VIRMA: variants seen among roughly 807,000 people sequenced by gnomAD.
VIRMA encodes protein virilizer homolog.
VIRMA carries 65 observed loss-of-function variants against 182.4 expected under a neutral mutation model. That is an observed-to-expected ratio of 0.36 (90% CI 0.29 to 0.44). The LOEUF is 0.44. Ranked by LOEUF, VIRMA falls within the 20% of genes least tolerant of loss-of-function variation. The pLI is 1.00. For missense variants in VIRMA, 1,752 were observed against 2,158.1 expected (o/e 0.81, Z 3.73); for synonymous variants, 709 against 743.1 (o/e 0.95, Z 0.75).
Position 94,506,494 on chromosome 8 carries a change from C to A in VIRMA, c.4097+6G>T. The A allele has an allele frequency of 6.4e-7, 1 of 1,571,538 alleles. No homozygotes were observed. Among genetic ancestry groups the A allele is most frequent in the South Asian group, 1.1e-5 (1 of 88,752 alleles). ...TGAGAGTATATTAAATTAGACAAAT[C>A]ATTACCTTTTTAAATGAAATAATCC... is the stretch of plus-strand genomic sequence containing the variant. On this transcript the variant is annotated splice_donor_region_variant and intron_variant, in intron 16 of 23. Coordinates refer to ENST00000297591, the MANE Select transcript of VIRMA (RefSeq NM_015496.5).
intron 2 of VIRMA, among the ~76,000 whole-genome samples, chr8:94,539,085 T>C (rs1241323096): frequency 6.6e-6 from 1 of 151,300 alleles, no homozygotes; most frequent in African/African-American, 2.4e-5. Flanking sequence ...TTTTTTTTTT[T>C]AAGTAGAGAC....
intron 4 of VIRMA, among the ~76,000 whole-genome samples, chr8:94,535,651 G>A (rs547310241): frequency 1.2e-4 from 18 of 152,086 alleles, no homozygotes; most frequent in Admixed American, 1.3e-4. Flanking sequence ...GGGTGGTGGC[G>A]GCACCCATAA....
chr8:94,504,319 C>T lies in VIRMA; in HGVS notation c.4097+2181G>A, dbSNP rs78874100. Among the ~76,000 whole-genome samples the T allele has an allele frequency of 6.7e-3, 1,024 of 152,148 alleles. 7 individuals are homozygous for T. The highest frequency in any genetic ancestry group is 0.023 in the African/African-American group (952 of 41,512). ...CCCATTACCTCCATAACCAGACATCCTATCATTTTTCTCCTTGCTCACTCT... is the reference window on the plus strand; with the variant it reads ...CCCATTACCTCCATAACCAGACATCTTATCATTTTTCTCCTTGCTCACTCT... On this transcript the variant is annotated intron_variant, in intron 16 of 23. Transcript: ENST00000297591.
intron 19 of VIRMA, among the ~76,000 whole-genome samples, chr8:94,495,169 TA>T (rs915832774): frequency 6.6e-6 from 1 of 151,846 alleles, no homozygotes; most frequent in Admixed American, 6.6e-5. Context: ...CCCAGCTAAT[TA>T]AAAAAAATTT....
chr8:94,535,023 G>C lies in VIRMA; in HGVS notation c.316-16C>G, dbSNP rs368739969. On this transcript the variant is annotated splice_polypyrimidine_tract_variant and intron_variant, in intron 4 of 23. Transcript: ENST00000297591. ...CAGTATTCACCTGATTTTCAGGGAG[G>C]GCAAAAAAAATCTTTCAAAGTCATG... 1.9e-5 allele frequency: 30 copies of C among 1,546,004 alleles called. No homozygotes were observed. In the African/African-American group the frequency reaches 2.8e-4, roughly 15 times the overall value.
intron 1 of VIRMA, among the ~76,000 whole-genome samples, chr8:94,546,054 CAA>C (rs202226902): frequency 5.7e-5 from 7 of 123,388 alleles, no homozygotes; most frequent in African/African-American, 1.0e-4. Flanking sequence ...GAGACTCTGT[CAA>C]AAAAAAAAAA....
At chr8:94,544,179 C>A (rs1056054128) in intron 1 of VIRMA, among the ~76,000 whole-genome samples, 3 of 151,730 alleles carry the variant, frequency 2.0e-5, no homozygotes, top group African/African-American at 7.3e-5. Context: ...TGATGTTTTG[C>A]TTAGACTAAT....
chr8:94,502,576 T>C (rs1451738547), intron 16 of VIRMA, among the ~76,000 whole-genome samples: 1 of 152,128 alleles, frequency 6.6e-6, no homozygotes, highest in East Asian at 1.9e-4. Context: ...TTCCCAGCTC[T>C]ATCCAATGAG....
At chr8:94,552,060 G>A (rs984026459) in intron 1 of VIRMA, among the ~76,000 whole-genome samples, 3 of 152,158 alleles carry the variant, frequency 2.0e-5, no homozygotes, top group Non-Finnish European at 4.4e-5. Context: ...TACACCATAA[G>A]TTTGTTCTGA....
chr8:94,549,619 T>A (rs1031606463), intron 1 of VIRMA, among the ~76,000 whole-genome samples: 5 of 152,220 alleles, frequency 3.3e-5, no homozygotes, highest in African/African-American at 1.2e-4. Context: ...ACTCGAAATT[T>A]GTACATATCC....
At chr8:94,529,415 G>A in intron 6 of VIRMA, 73 bp from the exon 7 acceptor site, 1 of 765,760 alleles carries the variant, frequency 1.3e-6, no homozygotes, top group South Asian at 1.7e-5. Flanking sequence ...ACTGGATATG[G>A]CAACTACTTA....
intron 13 of VIRMA, 26 bp downstream of exon 13, chr8:94,511,159 A>G: frequency 1.3e-6 from 2 of 1,596,054 alleles, no homozygotes; most frequent in South Asian, 1.2e-5. Flanking sequence ...GTCATTTATA[A>G]GATGCATGTT....
chr8:94,507,929 G>GTGTACATATGTATA (rs1563461563), intron 15 of VIRMA, among the ~76,000 whole-genome samples: 2 of 147,808 alleles, frequency 1.4e-5, no homozygotes, highest in Admixed American at 6.8e-5. Context: ...ATATATGTAT[G>GTGTACATATGTATA]TACATATGTG....
chr8:94,519,901 G>A lies in VIRMA; in HGVS notation c.2022-425C>T, dbSNP rs1019912268. Among the ~76,000 whole-genome samples, 8 of 151,996 alleles carry A rather than the reference G, an allele frequency of 5.3e-5. No individual in the cohort carries two copies. The East Asian group carries it at 5.8e-4, about 11-fold the overall frequency. On this transcript the variant is annotated intron_variant, in intron 8 of 23. Coordinates refer to ENST00000297591, the MANE Select transcript of VIRMA (RefSeq NM_015496.5). The stretch of plus-strand genomic sequence containing the variant: ...TTGTGGATTAAGCCAACTGCAAATC[G>A]AAAATATTTTTTAAAAGTGCATCTG...
chr8:94,534,468 C>T (rs1016871015), intron 5 of VIRMA: 1 of 221,984 alleles, frequency 4.5e-6, no homozygotes, highest in Non-Finnish European at 8.8e-6. Flanking sequence ...AACTCTTAGA[C>T]AAGAATGGGA....
At chr8:94,546,883 G>C in intron 1 of VIRMA, 1 of 455,226 alleles carries the variant, frequency 2.2e-6, no homozygotes, top group Non-Finnish European at 4.4e-6. Context: ...CAAATTCCTA[G>C]GTCTTATAAA....
chr8:94,541,821 C>A (rs955116207), intron 2 of VIRMA, among the ~76,000 whole-genome samples: 3 of 152,124 alleles, frequency 2.0e-5, no homozygotes, highest in African/African-American at 7.2e-5. Context: ...GGATTACAGG[C>A]ATAAGCCACC....
chr8:94,534,947 C>T lies in VIRMA; in HGVS notation c.376G>A (p.Gly126Arg). 3 of 1,613,802 alleles carry T rather than the reference C, an allele frequency of 1.9e-6. No individual in the cohort carries two copies. Among genetic ancestry groups the T allele is most frequent in the Non-Finnish European group, 1.7e-6 (2 of 1,179,968 alleles). Reference sequence around the variant, plus strand: ...TGACTTATCACTCTATCCACTGATCCATATATTGCCAGTGTCAGACAGTTA... The same window carrying T: ...TGACTTATCACTCTATCCACTGATCTATATATTGCCAGTGTCAGACAGTTA... The part of the protein sequence containing the change: ...WYNCLTLAIY[G>R]SVDRVISHDR... Residue 126 changes from glycine to arginine, a missense_variant, in exon 5 of 24, where the codon GGA (glycine) becomes AGA (arginine). This residue lies in a region of VIRMA where 195 missense variants were observed against 191.7 expected (regional missense o/e 1.02). Transcript: ENST00000297591.
intron 2 of VIRMA, among the ~76,000 whole-genome samples, chr8:94,543,411 A>AAC (rs893743922): frequency 2.7e-5 from 4 of 148,466 alleles, no homozygotes; most frequent in African/African-American, 9.9e-5. Context: ...CAAAAAAAAA[A>AAC]AAAAAAAAAA....
Sources: allele counts gnomAD v4.1 joint callset (sites outside exome capture counted in the v4.1 genomes callset), GRCh38; gene constraint gnomAD v4.1.1; regional missense constraint gnomAD v4.1.1; transcripts MANE v1.5; gene names NCBI Gene and HGNC (gene_info 2026-07-23, HGNC 2026-07-21).